Variants in PTN observed in about 807,000 individuals in gnomAD.
PTN encodes the protein heparin affin regulatory protein.
Under a neutral mutation model 24.1 loss-of-function variants are expected in PTN, and 18 were observed. The ratio of observed to expected loss-of-function variants is 0.75; its 90% CI spans 0.52 to 1.11. The LOEUF (loss-of-function observed/expected upper bound fraction) is 1.11, where lower values mean the gene tolerates loss of function less well. Ranked by LOEUF, PTN falls within the 50% of genes least tolerant of loss-of-function variation. PTN has a pLI of 0.00. For synonymous variants in PTN, 78 were observed against 68.6 expected (o/e 1.14, Z -0.67); for missense variants, 163 against 198.8 (o/e 0.82, Z 1.08).
intron 1 of PTN, chr7:137,325,421 G>A (rs968669370): frequency 6.6e-6 from 1 of 152,240 alleles, no homozygotes; most frequent in African/African-American, 2.4e-5. Flanking sequence ...AGAAAATATA[G>A]AAAAGGAAGG....
intron 2 of PTN, 56 bp downstream of exon 2, chr7:137,254,803 A>G (rs763883026): frequency 1.7e-5 from 20 of 1,199,722 alleles, no homozygotes; most frequent in Admixed American, 4.1e-5. Context: ...GCAGGTAATT[A>G]GACTAGATGG....
At chr7:137,262,009 T>C (rs964367401) in intron 1 of PTN, among the ~76,000 whole-genome samples, 1 of 148,300 alleles carries the variant, frequency 6.7e-6, no homozygotes, top group African/African-American at 2.4e-5. Context: ...TGGCTAGTTT[T>C]GGGGAAAAAG....
chr7:137,254,095 C>T (rs748950012), intron 2 of PTN, among the ~76,000 whole-genome samples: 1 of 151,988 alleles, frequency 6.6e-6, no homozygotes, highest in Non-Finnish European at 1.5e-5. Flanking sequence ...GTCAAAAGAT[C>T]GAGACCATCC....
At chr7:137,250,266 A>T (rs1373138289) in intron 4 of PTN, among the ~76,000 whole-genome samples, 2 of 152,196 alleles carry the variant, frequency 1.3e-5, no homozygotes, top group Non-Finnish European at 2.9e-5. Context: ...CAGTTCTGGA[A>T]GCTACAAGCC....
At chr7:137,293,701 C>T (rs1023305784) in intron 1 of PTN, among the ~76,000 whole-genome samples, 2 of 152,036 alleles carry the variant, frequency 1.3e-5, no homozygotes, top group Non-Finnish European at 2.9e-5. Context: ...TCCCTGCCGC[C>T]GCACATGCAT....
At chr7:137,275,147 C>CA (rs1809341382) in intron 1 of PTN, among the ~76,000 whole-genome samples, 2 of 152,148 alleles carry the variant, frequency 1.3e-5, no homozygotes, top group African/African-American at 4.8e-5. Flanking sequence ...ATATCTCCCC[C>CA]AAAAAACATC....
At chr7:137,238,705 G>A (rs1563195747) in intron 4 of PTN, among the ~76,000 whole-genome samples, 1 of 152,144 alleles carries the variant, frequency 6.6e-6, no homozygotes, top group Non-Finnish European at 1.5e-5. Context: ...CTTTGTGCAA[G>A]TTGCAACCTT....
intron 1 of PTN, among the ~76,000 whole-genome samples, chr7:137,328,051 C>A (rs1459753435): frequency 6.6e-6 from 1 of 152,110 alleles, no homozygotes; most frequent in Non-Finnish European, 1.5e-5. Flanking sequence ...GTAAGGAAAT[C>A]ACTAACTATA....
At chr7:137,231,645 C>A (rs17168991) in intron 4 of PTN, among the ~76,000 whole-genome samples, 1 of 151,738 alleles carries the variant, frequency 6.6e-6, no homozygotes, top group Admixed American at 6.6e-5. Context: ...TTGTTGCATG[C>A]GGAGTGGATA....
chr7:137,249,551 C>A (rs1203129666), intron 4 of PTN, among the ~76,000 whole-genome samples: 1 of 152,084 alleles, frequency 6.6e-6, no homozygotes, highest in Non-Finnish European at 1.5e-5. Flanking sequence ...TCTTTAATTT[C>A]TTTTCCTTTC....
chr7:137,336,515 C>T (rs970027994), intron 1 of PTN, among the ~76,000 whole-genome samples: 15 of 152,154 alleles, frequency 9.9e-5, no homozygotes, highest in Admixed American at 2.0e-4. Context: ...GAGTCTGCAT[C>T]GGAGACTTTG....
chr7:137,239,879 G>A (rs1808597290), intron 4 of PTN, among the ~76,000 whole-genome samples: 1 of 152,118 alleles, frequency 6.6e-6, no homozygotes, highest in Admixed American at 6.6e-5. Flanking sequence ...TGTCCTCTCA[G>A]AGGAGACCGT....
chr7:137,276,916 A>G (rs1201239391), intron 1 of PTN, among the ~76,000 whole-genome samples: 3 of 152,200 alleles, frequency 2.0e-5, no homozygotes, highest in Non-Finnish European at 4.4e-5. Context: ...ATAGTATTCT[A>G]TTTACAATCC....
intron 1 of PTN, among the ~76,000 whole-genome samples, chr7:137,292,757 G>A (rs1809658393): frequency 6.6e-6 from 1 of 152,142 alleles, no homozygotes; most frequent in Non-Finnish European, 1.5e-5. Context: ...GCAACCATCT[G>A]TTTTTCTCTC....
intron 1 of PTN, among the ~76,000 whole-genome samples, chr7:137,330,869 C>T (rs939014957): frequency 9.9e-5 from 15 of 152,092 alleles, no homozygotes; most frequent in Non-Finnish European, 2.1e-4. Flanking sequence ...GCAAATCCAC[C>T]CTAGAGGAAT....
intron 1 of PTN, among the ~76,000 whole-genome samples, chr7:137,309,253 T>C (rs1168298793): frequency 6.6e-6 from 1 of 152,226 alleles, no homozygotes; most frequent in Non-Finnish European, 1.5e-5. Context: ...GCAATAGCAG[T>C]ATGTCTTAAA....
In PTN at chr7:137,308,932, T is replaced by C. The variant is rs1394234712; in HGVS notation, c.-2+34507A>G. 3.3e-5 allele frequency among the ~76,000 whole-genome samples: 5 copies of C among 152,198 alleles called. No homozygotes were observed. The East Asian group carries it at 7.7e-4, about 23-fold the overall frequency. ...CCTCTAAACCTAACAGGTTCACTTA[T>C]TCTACCAGTTCAAATGACCATTTGA... On this transcript the variant is annotated intron_variant, in intron 1 of 4. Transcript: ENST00000348225.
At chr7:137,234,372 G>C (rs960662170) in intron 4 of PTN, among the ~76,000 whole-genome samples, 2 of 151,938 alleles carry the variant, frequency 1.3e-5, no homozygotes, top group African/African-American at 2.4e-5. Flanking sequence ...CCAAGGGCAG[G>C]ACATTTTAAA....
intron 1 of PTN, among the ~76,000 whole-genome samples, chr7:137,322,899 C>G (rs981905897): frequency 6.6e-6 from 1 of 152,208 alleles, no homozygotes; most frequent in Non-Finnish European, 1.5e-5. Context: ...CCTTCATCCT[C>G]TTAGTCATAT....
Sources: allele counts gnomAD v4.1 joint callset (sites outside exome capture counted in the v4.1 genomes callset), GRCh38; gene constraint gnomAD v4.1.1; transcripts MANE v1.5; gene names NCBI Gene and HGNC (gene_info 2026-07-23, HGNC 2026-07-21).